The following DNAH3 variants were observed in gnomAD, a reference collection of about 807,000 sequenced individuals.
DNAH3 encodes the protein axonemal beta dynein heavy chain 3.
In DNAH3, 332 loss-of-function variants were observed where a neutral mutation model predicts 432.5. The ratio of observed to expected loss-of-function variants is 0.77; its 90% CI spans 0.70 to 0.84. The LOEUF (loss-of-function observed/expected upper bound fraction) is 0.84. DNAH3 is among the 40% of genes least tolerant of loss of function. The pLI is 0.00. For missense variants in DNAH3, 4,861 were observed against 5,114.0 expected (o/e 0.95, Z 1.51); for synonymous variants, 1,956 against 1,900.2 (o/e 1.03, Z -0.76).
chr16:21,154,960 T>C (rs1349487406), intron 1 of DNAH3, among the ~76,000 whole-genome samples: 3 of 151,018 alleles, frequency 2.0e-5, no homozygotes, highest in Non-Finnish European at 4.4e-5. Context: ...TCTTTTTTTT[T>C]TTTTTTTGAG....
At chr16:21,131,805 G>A (rs1444381775) in intron 7 of DNAH3, among the ~76,000 whole-genome samples, 1 of 137,136 alleles carries the variant, frequency 7.3e-6, no homozygotes, top group East Asian at 2.3e-4. Flanking sequence ...GGTGAGCCAA[G>A]ATCGCGCCAT....
exon 62 of DNAH3, chr16:20,933,298 G>C (rs569511841): frequency 6.2e-7 from 1 of 1,614,178 alleles, no homozygotes; most frequent in South Asian, 1.1e-5. Context: ...TTGTTTTGTA[G>C]ACTGGACACA....
At chr16:21,071,871 G>T (rs2090795953) in intron 21 of DNAH3, among the ~76,000 whole-genome samples, 1 of 151,914 alleles carries the variant, frequency 6.6e-6, no homozygotes, top group South Asian at 2.1e-4. Context: ...TGCTTTCCTG[G>T]CTCTCCTTTC....
intron 41 of DNAH3, among the ~76,000 whole-genome samples, chr16:21,009,342 T>C (rs935611623): frequency 3.9e-5 from 6 of 152,180 alleles, no homozygotes; most frequent in Admixed American, 2.6e-4. Context: ...ATGGTAACCA[T>C]GTAAAGAGAT....
At chr16:21,050,288 C>T (rs1383259429) in intron 29 of DNAH3, among the ~76,000 whole-genome samples, 1 of 152,148 alleles carries the variant, frequency 6.6e-6, no homozygotes, top group African/African-American at 2.4e-5. Context: ...ACATGAGTGG[C>T]ACCCATGAAT....
intron 7 of DNAH3, among the ~76,000 whole-genome samples, 181 bp from the exon 9 acceptor site, chr16:21,127,993 T>C (rs543858614): frequency 2.0e-5 from 3 of 151,822 alleles, no homozygotes; most frequent in African/African-American, 7.2e-5. Flanking sequence ...AGGAGCTAAG[T>C]CCTAAAGAAC....
intron 53 of DNAH3, among the ~76,000 whole-genome samples, chr16:20,960,964 C>T (rs1223793426): frequency 1.3e-5 from 2 of 152,078 alleles, no homozygotes; most frequent in Non-Finnish European, 2.9e-5. Flanking sequence ...CTCTGGGGTA[C>T]CACTGTTTGC....
intron 13 of DNAH3, 88 bp downstream of exon 13, chr16:21,111,905 G>A (rs2092083485): frequency 6.4e-7 from 1 of 1,551,306 alleles, no homozygotes; most frequent in African/African-American, 1.4e-5. Flanking sequence ...GCTGAGCATG[G>A]TCTATGCACC....
At chr16:21,018,807 A>T (rs2087992710) in intron 41 of DNAH3, among the ~76,000 whole-genome samples, 1 of 152,090 alleles carries the variant, frequency 6.6e-6, no homozygotes, top group Non-Finnish European at 1.5e-5. Context: ...AGACAGGAGA[A>T]TCTCTTGAAT....
At chr16:21,058,095 A>G (rs746176877) in exon 27 of DNAH3, 9 of 1,597,634 alleles carry the variant, frequency 5.6e-6, no homozygotes, top group Admixed American at 5.0e-5. Context: ...CCAGTAAGGT[A>G]TTTTCCGCCA....
rs567357933 is a variant in DNAH3, at chr16:21,003,892, C to G, written c.6023-685G>C. Among the ~76,000 whole-genome samples, 8 of 152,210 alleles carry G rather than the reference C, an allele frequency of 5.3e-5. No homozygotes were observed. In the East Asian group the frequency reaches 1.5e-3, roughly 29 times the overall value. On this transcript the variant is annotated intron_variant, in intron 41 of 61. Transcript: ENST00000261383. ...GATGGCAATCCTTCTAGCCCTCTTT[C>G]TAGACACACAAACATACTGAAGATG... is the stretch of plus-strand genomic sequence containing the variant.
rs148740583 is a variant in DNAH3, at chr16:21,014,100, G to A, written c.6022+5524C>T. Among the ~76,000 whole-genome samples the A allele has an allele frequency of 2.4e-3, 370 of 152,168 alleles. 3 individuals carry two copies. The highest frequency in any genetic ancestry group is 7.6e-3 in the African/African-American group (314 of 41,534). On this transcript the variant is annotated intron_variant, in intron 41 of 61. Coordinates refer to ENST00000261383, the Ensembl canonical transcript of DNAH3. ...ACTCATGCTATGAGGCCAGCATTAC[G>A]CTAATACCAAAGCCAGATAAAGACA...
chr16:21,127,226 G>A (rs1266815640), intron 8 of DNAH3, among the ~76,000 whole-genome samples: 1 of 151,840 alleles, frequency 6.6e-6, no homozygotes, highest in Non-Finnish European at 1.5e-5. Flanking sequence ...AGGGAGACCA[G>A]GCATGGGGCA....
At chr16:20,991,813 T>A (rs1388686781) in intron 44 of DNAH3, among the ~76,000 whole-genome samples, 2 of 152,206 alleles carry the variant, frequency 1.3e-5, no homozygotes, top group African/African-American at 4.8e-5. Context: ...CCATAGGTGG[T>A]GGTGTGTTCT....
At chr16:20,943,646 G>A (rs1485139412) in intron 58 of DNAH3, among the ~76,000 whole-genome samples, 1 of 152,174 alleles carries the variant, frequency 6.6e-6, no homozygotes, top group Non-Finnish European at 1.5e-5. Context: ...CAAAGCCTCA[G>A]CTCAGGGGCT....
At chr16:21,146,113 C>T (rs745408673) in intron 1 of DNAH3, 25 bp from the exon 3 acceptor site, 3 of 1,538,012 alleles carry the variant, frequency 2.0e-6, no homozygotes, top group Admixed American at 1.7e-5. Context: ...AACAAAGTCA[C>T]CCTTCAAAAA....
chr16:20,977,248 G>A (rs2085636191), intron 50 of DNAH3, among the ~76,000 whole-genome samples: 1 of 152,054 alleles, frequency 6.6e-6, no homozygotes, highest in Non-Finnish European at 1.5e-5. Flanking sequence ...GCTGTGGCAC[G>A]TGCCTGTAAT....
At chr16:21,100,368 G>A (rs1240794475) in intron 16 of DNAH3, among the ~76,000 whole-genome samples, 3 of 152,192 alleles carry the variant, frequency 2.0e-5, no homozygotes, top group Admixed American at 6.5e-5. Context: ...CACATATTCC[G>A]GCCTCCATTC....
intron 47 of DNAH3, among the ~76,000 whole-genome samples, chr16:20,986,578 T>C (rs368957237): frequency 5.3e-5 from 8 of 152,190 alleles, no homozygotes; most frequent in East Asian, 1.9e-4. Context: ...CTATTTGCCA[T>C]GTGATTAAAA....
Sources: gnomAD v4.1 joint callset for allele counts (sites outside exome capture counted in the v4.1 genomes callset) on GRCh38, gnomAD v4.1.1 for gene constraint, MANE v1.5 for transcripts, NCBI Gene and HGNC (gene_info 2026-07-23, HGNC 2026-07-21) for gene names.